The following GLB1 variants were observed in gnomAD, a reference collection of about 807,000 sequenced individuals.
GLB1 encodes the protein beta-galactosidase.
GLB1 carries 56 observed loss-of-function variants against 74.0 expected under a neutral mutation model. The ratio of observed to expected loss-of-function variants is 0.76; its 90% confidence interval spans 0.61 to 0.94. The LOEUF is 0.94. Among genes scored for constraint, GLB1 ranks in the 40% least tolerant of loss-of-function variants. The pLI is 0.00. For missense variants in GLB1, 787 were observed against 845.5 expected (o/e 0.93, Z 0.86); for synonymous variants, 323 against 323.6 (o/e 1.00, Z 0.02).
At chr3:33,020,048 C>T (rs1343723053) in intron 12 of GLB1, among the ~76,000 whole-genome samples, 2 of 152,158 alleles carry the variant, frequency 1.3e-5, no homozygotes, top group Non-Finnish European at 2.9e-5. Flanking sequence ...GGAACTCCCT[C>T]CCCAGGCTAC....
At chr3:33,044,746 C>T (rs1230470037) in intron 10 of GLB1, among the ~76,000 whole-genome samples, 4 of 152,014 alleles carry the variant, frequency 2.6e-5, no homozygotes. Context: ...CGACATCATA[C>T]TTAAAACAAA....
intron 1 of GLB1, among the ~76,000 whole-genome samples, chr3:33,087,521 G>A (rs1250372503): frequency 6.6e-6 from 1 of 151,276 alleles, no homozygotes; most frequent in East Asian, 1.9e-4. Context: ...AGTGACCCAA[G>A]ATCATGCCTC....
chr3:33,079,110 T>C (rs1700232828), intron 1 of GLB1, among the ~76,000 whole-genome samples: 1 of 152,164 alleles, frequency 6.6e-6, no homozygotes. Flanking sequence ...AACCTATTTA[T>C]ATGAAGTCCT....
At position 33,021,567 on chromosome 3, in the gene GLB1, T is replaced by C; in HGVS notation, c.1232A>G (p.Gln411Arg). 1 of 1,613,732 alleles carries C rather than the reference T, an allele frequency of 6.2e-7. No homozygotes were observed. Residue 411 changes from glutamine (Q) to arginine (R), a missense_variant and splice_region_variant, in exon 12 of 16, where the codon CAG (glutamine) becomes CGG (arginine). By Grantham distance (43) the Gln-to-Arg change is conservative. Transcript: ENST00000307363. ...GAGGCATTACCTTTGAAGGCCTACC[T>C]GTTTCACCTGGATAAATGTCAAGGG... is the stretch of plus-strand genomic sequence containing the variant. The part of the protein sequence containing the change: ...LYPLTFIQVK[Q>R]HYGFVLYRTT...
Position 33,014,040 on chromosome 3 carries a change from C to G in GLB1, c.1734+16G>C. ...GTTTAGGCCTGAATTCAAACCCTTCCCATGAAGACACGTACCTTGGTCCAT... is the reference window on the plus strand; with the variant it reads ...GTTTAGGCCTGAATTCAAACCCTTCGCATGAAGACACGTACCTTGGTCCAT... On this transcript the variant is annotated intron_variant, in intron 15 of 15. Transcript: ENST00000307363. 6.2e-7 allele frequency: 1 copy of G among 1,614,204 alleles called. No homozygotes were observed. The highest frequency in any genetic ancestry group is 8.5e-7 in the Non-Finnish European group (1 of 1,180,046).
chr3:33,093,278 C>A lies in GLB1; in HGVS notation c.75+3733G>T. ...CACGTTGGGCCCGTGTGGCGGAAAT[C>A]TTCACGTTCTCATTATGAAGAGGCT... On this transcript the variant is annotated intron_variant, in intron 1 of 15. Transcript: ENST00000307363. This position sits in a 1 kb window ranked among gnomAD's most constrained non-coding sequence, Gnocchi z 6.0. 1 of 1,614,184 alleles carries A rather than the reference C, an allele frequency of 6.2e-7. No individual in the cohort carries two copies. Among genetic ancestry groups the A allele is most frequent in the Non-Finnish European group, 8.5e-7 (1 of 1,180,038 alleles).
chr3:32,965,074 AAAT>A, the GLB1 span, among the ~76,000 whole-genome samples: 1 of 152,320 alleles, frequency 6.6e-6, no homozygotes, highest in East Asian at 1.9e-4. Flanking sequence ...TTTCCTTTAT[AAAT>A]TACCCAGTCT....
intron 1 of GLB1, among the ~76,000 whole-genome samples, chr3:33,081,901 A>G (rs918334570): frequency 2.0e-5 from 3 of 152,220 alleles, no homozygotes; most frequent in African/African-American, 7.2e-5. Context: ...CAACAACTGC[A>G]TGGAAAATTG....
chr3:33,045,367 T>C, intron 10 of GLB1: 21 of 984,868 alleles, frequency 2.1e-5, no homozygotes, highest in South Asian at 4.7e-5. Context: ...TAAGTACGGC[T>C]ACCTCTACTT....
rs562337477 is a variant in GLB1 at position 33,093,157 on chromosome 3, G to C, written c.75+3854C>G. 6.2e-7 allele frequency: 1 copy of C among 1,614,170 alleles called. No homozygotes were observed. The highest frequency in any genetic ancestry group is 1.1e-5 in the South Asian group (1 of 91,080). On this transcript the variant is annotated intron_variant, in intron 1 of 15. Coordinates refer to ENST00000307363, the MANE Select transcript of GLB1 (RefSeq NM_000404.4). The surrounding 1 kb of genome is among the most constrained non-coding windows in gnomAD (Gnocchi z 6.0). Reference sequence around the variant, plus strand: ...AGGGCCTTGTCAAGATCCATGCCATGGCCAGAGTAGTGCAGGATGTCTGCT... The same window carrying C: ...AGGGCCTTGTCAAGATCCATGCCATCGCCAGAGTAGTGCAGGATGTCTGCT...
At chr3:33,086,329 C>CT (rs1700502222) in intron 1 of GLB1, among the ~76,000 whole-genome samples, 2 of 151,860 alleles carry the variant, frequency 1.3e-5, no homozygotes, top group Admixed American at 1.3e-4. Flanking sequence ...TCTGTCTTGC[C>CT]TTTGTTATAG....
intron 2 of GLB1, among the ~76,000 whole-genome samples, chr3:33,070,201 A>C (rs983376102): frequency 3.9e-5 from 6 of 152,152 alleles, no homozygotes; most frequent in African/African-American, 7.2e-5. Flanking sequence ...TATCCAGTTA[A>C]ATAAATTTCT....
chr3:33,064,638 A>G (rs1198118836), intron 5 of GLB1, among the ~76,000 whole-genome samples: 1 of 151,362 alleles, frequency 6.6e-6, no homozygotes, highest in Non-Finnish European at 1.5e-5. Context: ...TTAGCCAGGC[A>G]TGGTGGCATG....
At chr3:33,034,928 A>T in intron 10 of GLB1, 1 of 296,654 alleles carries the variant, frequency 3.4e-6, no homozygotes, top group Non-Finnish European at 6.9e-6. Context: ...TCATGTTATG[A>T]GGCAGAAACT....
rs66685286 is a variant in GLB1, at chr3:33,042,370, C to CTTTTTTTTT, written c.1068+3741_1068+3749dup. Among the ~76,000 whole-genome samples the CTTTTTTTTT allele has an allele frequency of 3.3e-3, 327 of 99,196 alleles. 21 individuals are homozygous for CTTTTTTTTT. Among genetic ancestry groups the CTTTTTTTTT allele is most frequent in the Non-Finnish European group, 4.1e-3 (208 of 50,470 alleles). 65.1% of individuals were successfully genotyped at this position (99,196 alleles called of 152,430 possible). A position where few individuals can be genotyped will look rare whatever the true frequency, so the allele number is the denominator to read the frequency against. On this transcript the variant is annotated intron_variant, in intron 10 of 15. Transcript: ENST00000307363. ...TATATCCCTGACCCCTCATCTCCTC[C>CTTTTTTTTT]TTTTTTTTTTTTTTTTTTTCCAAGT...
downstream of GLB1, among the ~76,000 whole-genome samples, chr3:32,994,213 A>G (rs543761142): frequency 1.3e-5 from 2 of 152,342 alleles, no homozygotes; most frequent in African/African-American, 4.8e-5. Context: ...AAAATGTGGT[A>G]CATCCATACA....
chr3:32,994,198 T>C (rs1696268378), downstream of GLB1, among the ~76,000 whole-genome samples: 1 of 152,078 alleles, frequency 6.6e-6, no homozygotes. Flanking sequence ...GGCAAATGGA[T>C]AAACAAAATG....
chr3:33,091,369 T>C (rs955225518), intron 1 of GLB1: 1 of 985,328 alleles, frequency 1.0e-6, no homozygotes, highest in African/African-American at 1.7e-5. Context: ...CCTGCCAGAA[T>C]GCACATGAGG....
At chr3:33,088,012 T>A (rs1382585036) in intron 1 of GLB1, among the ~76,000 whole-genome samples, 1 of 151,984 alleles carries the variant, frequency 6.6e-6, no homozygotes, top group Non-Finnish European at 1.5e-5. Context: ...AAAAACCACA[T>A]GATAATCTAA....
Sources: allele counts gnomAD v4.1 joint callset (sites outside exome capture counted in the v4.1 genomes callset), GRCh38; gene constraint gnomAD v4.1.1; non-coding constraint Gnocchi (gnomAD v3.1); transcripts MANE v1.5; gene names NCBI Gene and HGNC (gene_info 2026-07-23, HGNC 2026-07-21).